The following TCN2 variants were observed in gnomAD, a reference collection of about 807,000 sequenced individuals.
The protein encoded by TCN2 is transcobalamin 2, also known as transcobalamin-2.
In TCN2, 34 loss-of-function variants were observed where a neutral mutation model predicts 48.6. The observed-to-expected ratio is 0.70, with a 90% CI of 0.53 to 0.93. TCN2 has a LOEUF of 0.93. Ranked by LOEUF, TCN2 falls within the 40% of genes least tolerant of loss-of-function variation. TCN2 has a pLI of 0.00. For missense variants in TCN2, 652 were observed against 526.1 expected (o/e 1.24, Z -2.34); for synonymous variants, 283 against 212.5 (o/e 1.33, Z -2.89).
At position 30,623,192 on chromosome 22, in the gene TCN2, T is replaced by C. The variant is rs915631258; in HGVS notation, c.1222+109T>C. 6.9e-6 allele frequency: 7 copies of C among 1,012,066 alleles called. No individual in the cohort carries two copies. In the African/African-American group the frequency reaches 1.1e-4, roughly 16 times the overall value. 62.7% of individuals were successfully genotyped at this position (1,012,066 alleles called of 1,614,324 possible). A position where few individuals can be genotyped will look rare whatever the true frequency, so the allele number is the denominator to read the frequency against. Reference sequence around the variant, plus strand: ...CCCTAGCACCCTCCTGGGCCACACCTTCACAAAATCACTGATGCTCAAAGT... The same window carrying C: ...CCCTAGCACCCTCCTGGGCCACACCCTCACAAAATCACTGATGCTCAAAGT... On this transcript the variant is annotated intron_variant, in intron 8 of 8. Transcript: ENST00000215838.
chr22:30,616,306 A>G (rs2087612271), intron 6 of TCN2, among the ~76,000 whole-genome samples: 1 of 152,196 alleles, frequency 6.6e-6, no homozygotes, highest in Non-Finnish European at 1.5e-5. Context: ...TAACATGGCG[A>G]AACTCCATCT....
At chr22:30,622,149 G>A (rs2087708896) in intron 7 of TCN2, among the ~76,000 whole-genome samples, 1 of 152,114 alleles carries the variant, frequency 6.6e-6, no homozygotes, top group Non-Finnish European at 1.5e-5. Context: ...CACCACACCT[G>A]GCTAATTTTG....
At chr22:30,614,646 G>T in intron 4 of TCN2, 145 bp downstream of exon 4, 1 of 1,235,182 alleles carries the variant, frequency 8.1e-7, no homozygotes, top group African/African-American at 1.5e-5. Context: ...ATTGGCGAGG[G>T]CTCATGGGTG....
intron 8 of TCN2, among the ~76,000 whole-genome samples, chr22:30,623,837 CACACACATACAT>C (rs2087745755): frequency 6.8e-5 from 2 of 29,492 alleles, no homozygotes; most frequent in South Asian, 5.5e-4. Context: ...CACACATATA[CACACACATACAT>C]ACACATACAT....
chr22:30,615,775 C>T lies in TCN2; in HGVS notation c.928C>T (p.Leu310=). The stretch of plus-strand genomic sequence containing the variant: ...CATTGATCTGATCTTCCCAGACTGT[C>T]TGGCACCACGAGGTAGCCCAACTTT... ...TYIDLIFPDC[L]APRVMLEPAA... The change falls in exon 6 of 9, where the codon CTG becomes TTG. Residue 310 remains leucine, a synonymous_variant. Transcript: ENST00000215838. 6.2e-7 allele frequency: 1 copy of T among 1,614,228 alleles called. No individual in the cohort carries two copies. Among genetic ancestry groups the T allele is most frequent in the Non-Finnish European group, 8.5e-7 (1 of 1,180,040 alleles).
At chr22:30,607,750 A>G (rs1348088767) in intron 1 of TCN2, among the ~76,000 whole-genome samples, 1 of 152,114 alleles carries the variant, frequency 6.6e-6, no homozygotes, top group African/African-American at 2.4e-5. Flanking sequence ...AGAAATGGTT[A>G]GGTGCTCCCA....
chr22:30,623,833 TATACAC>T lies in TCN2; in HGVS notation c.1222+752_1222+757del, dbSNP rs1247498979. Among the ~76,000 whole-genome samples, 10 of 56,954 alleles carry T rather than the reference TATACAC, an allele frequency of 1.8e-4. 4 individuals carry two copies. Among genetic ancestry groups the T allele is most frequent in the African/African-American group, 9.6e-4 (5 of 5,206 alleles). 37.4% of individuals were successfully genotyped at this position (56,954 alleles called of 152,430 possible). A position where few individuals can be genotyped will look rare whatever the true frequency, so the allele number is the denominator to read the frequency against. On this transcript the variant is annotated intron_variant, in intron 8 of 8. Transcript: ENST00000215838. ...ATATATACACACACATACACACACA[TATACAC>T]ACACATACATACACATACATACACA...
intron 7 of TCN2, chr22:30,617,726 A>G: frequency 1.8e-6 from 1 of 571,060 alleles, no homozygotes; most frequent in Non-Finnish European, 3.1e-6. Flanking sequence ...CCCCAGTTGG[A>G]ATCCCAACTC....
intron 6 of TCN2, among the ~76,000 whole-genome samples, chr22:30,616,358 C>G (rs2087612775): frequency 6.6e-6 from 1 of 151,914 alleles, no homozygotes. Flanking sequence ...TGGCGAGTGC[C>G]TGTAACCCCA....
rs1186099815 is a variant in TCN2 at position 30,626,653 on chromosome 22, A to G, written c.*132A>G. 10 of 981,330 alleles carry G rather than the reference A, an allele frequency of 1.0e-5. No homozygotes were observed. Among genetic ancestry groups the G allele is most frequent in the South Asian group, 9.5e-5 (7 of 73,600 alleles). 60.8% of individuals were successfully genotyped at this position (981,330 alleles called of 1,614,324 possible). A position where few individuals can be genotyped will look rare whatever the true frequency, so the allele number is the denominator to read the frequency against. ...TGCACTTTGAGCAATGCCCCCTGGG[A>G]TCACCCCAGCCACAAGCCCTTCGAG... On this transcript the variant is annotated 3_prime_UTR_variant, in exon 9 of 9. Transcript: ENST00000215838.
At chr22:30,618,320 G>A (rs1448241564) in intron 7 of TCN2, among the ~76,000 whole-genome samples, 1 of 151,466 alleles carries the variant, frequency 6.6e-6, no homozygotes, top group Admixed American at 6.6e-5. Context: ...GGCTCTGGAG[G>A]CCCAACTCGT....
intron 8 of TCN2, 152 bp from the exon 9 acceptor site, chr22:30,626,308 G>C: frequency 2.5e-6 from 2 of 788,718 alleles, no homozygotes; most frequent in South Asian, 2.9e-5. Context: ...CAGAGTCTTT[G>C]AGCAGGCTTT....
rs770733228 is a variant in TCN2 at position 30,615,288 on chromosome 22, C to A, written c.581-13C>A. 9 of 1,614,020 alleles carry A rather than the reference C, an allele frequency of 5.6e-6. No individual in the cohort carries two copies. In the African/African-American group the frequency reaches 1.1e-4, roughly 19 times the overall value. ...CTCTCCAGCTCATTGCATGTTCTGT[C>A]CCCCACTTCAAGACACAGCAGCCAT... On this transcript the variant is annotated splice_polypyrimidine_tract_variant and intron_variant, in intron 4 of 8. Coordinates refer to ENST00000215838, the MANE Select transcript of TCN2 (RefSeq NM_000355.4).
chr22:30,613,194 C>G, intron 3 of TCN2, 152 bp downstream of exon 3: 2 of 1,078,292 alleles, frequency 1.9e-6, no homozygotes, highest in Admixed American at 4.1e-5. Context: ...GAGGCTCGAA[C>G]CTGTCCCCAT....
chr22:30,615,794 C>T lies in TCN2; in HGVS notation c.940+7C>T. 2.5e-6 allele frequency: 4 copies of T among 1,614,130 alleles called. No individual in the cohort carries two copies. The highest frequency in any genetic ancestry group is 3.4e-6 in the Non-Finnish European group (4 of 1,180,014). ...GACTGTCTGGCACCACGAGGTAGCC[C>T]AACTTTTTGTGGAAGCACAGCCCTT... On this transcript the variant is annotated splice_region_variant and intron_variant, in intron 6 of 8. Transcript: ENST00000215838.
intron 2 of TCN2, among the ~76,000 whole-genome samples, chr22:30,612,555 AAAAT>A (rs1290888526): frequency 2.6e-5 from 4 of 152,184 alleles, no homozygotes; most frequent in South Asian, 2.1e-4. Context: ...TGTCTCAAAG[AAAAT>A]AAATAAATAA....
chr22:30,616,946 G>A (rs1184142398), intron 6 of TCN2, among the ~76,000 whole-genome samples: 1 of 152,040 alleles, frequency 6.6e-6, no homozygotes, highest in African/African-American at 2.4e-5. Context: ...GAAAGCAGAT[G>A]AATGAAGAGA....
rs534564986 is a variant in TCN2 at position 30,613,037 on chromosome 22, C to G, written c.422C>G (p.Ala141Gly). ...TGGTTCCTGGAGGATGAGAAGAGAG[C>G]CATTGGTGAGCAGACACCATCCGCT... ...LKWFLEDEKR[A>G]IGHDHKGHPH... Residue 141 changes from alanine (A) to glycine (G), a missense_variant, in exon 3 of 9, where the codon GCC becomes GGC. Coordinates refer to ENST00000215838, the MANE Select transcript of TCN2 (RefSeq NM_000355.4). 1.2e-5 allele frequency: 20 copies of G among 1,613,898 alleles called. No individual in the cohort carries two copies. In the South Asian group the frequency reaches 2.1e-4, roughly 17 times the overall value.
Position 30,623,074 on chromosome 22 carries a change from C to G in TCN2, c.1213C>G (p.Leu405Val), listed in dbSNP as rs774303447. 3.7e-6 allele frequency: 6 copies of G among 1,614,018 alleles called. No individual in the cohort carries two copies. The highest frequency in any genetic ancestry group is 5.1e-6 in the Non-Finnish European group (6 of 1,179,996). Residue 405 changes from leucine (L) to valine (V), a missense_variant, in exon 8 of 9, where the codon CTG (leucine) becomes GTG (valine). Coordinates refer to ENST00000215838, the MANE Select transcript of TCN2 (RefSeq NM_000355.4). The stretch of plus-strand genomic sequence containing the variant: ...GCTTCTCCGAGACCCCAACACCCCA[C>G]TGTTGCAAGGTGAGTCATGGCCTGA... ...WQLLRDPNTP[L>V]LQGIADYRPK...
Sources: gnomAD v4.1 joint callset for allele counts (sites outside exome capture counted in the v4.1 genomes callset) on GRCh38, gnomAD v4.1.1 for gene constraint, MANE v1.5 for transcripts, NCBI Gene and HGNC (gene_info 2026-07-23, HGNC 2026-07-21) for gene names.